The following CACNA1E variants were observed in gnomAD, a reference collection of about 807,000 sequenced individuals.
CACNA1E encodes voltage-dependent R-type calcium channel subunit alpha-1E.
In CACNA1E, 40 loss-of-function variants were observed where a neutral mutation model predicts 259.2. That is an observed-to-expected ratio of 0.15 (90% CI 0.12 to 0.20). CACNA1E has a LOEUF of 0.20. CACNA1E is among the 10% of genes least tolerant of loss of function. The pLI, the probability that CACNA1E is intolerant of heterozygous loss-of-function variation, is 1.00. For synonymous variants in CACNA1E, 1,104 were observed against 1,138.5 expected (o/e 0.97, Z 0.61); for missense variants, 1,874 against 3,040.1 (o/e 0.62, Z 9.02).
At position 181,483,993 on chromosome 1, in the gene CACNA1E, G is replaced by A; in HGVS notation, c.249G>A (p.Lys83=). 6.2e-7 allele frequency: 1 copy of A among 1,613,758 alleles called. No individual in the cohort carries two copies. The highest frequency in any genetic ancestry group is 8.5e-7 in the Non-Finnish European group (1 of 1,179,776). The change falls in exon 1 of 48, where the codon AAG becomes AAA. Residue 83 remains lysine, a synonymous_variant. Coordinates refer to ENST00000367573, the MANE Select transcript of CACNA1E (RefSeq NM_001205293.3). Reference sequence around the variant, plus strand: ...ATAACATTGTCAGGAAATATGCCAAGAAGCTCATCGATTGGCCATATCCTT... The same window carrying A: ...ATAACATTGTCAGGAAATATGCCAAAAAGCTCATCGATTGGCCATATCCTT... ...GEDNIVRKYA[K]KLIDWPPFEY...
chr1:181,473,511 T>C (rs1030181724), intron 2 of CACNA1E, among the ~76,000 whole-genome samples: 14 of 152,218 alleles, frequency 9.2e-5, no homozygotes, highest in African/African-American at 3.4e-4. Flanking sequence ...TACGAATGTA[T>C]CATCACATTT....
rs116564004 is a variant in CACNA1E at position 181,765,326 on chromosome 1, G to A, written c.4816-1220G>A. On this transcript the variant is annotated intron_variant, in intron 34 of 47. Coordinates refer to ENST00000367573, the MANE Select transcript of CACNA1E (RefSeq NM_001205293.3). ...GTAGGGAGAGATAAACTAGGGACTAGAGTGGAGACAGTAGAATAAGGGCAG... is the reference window on the plus strand; with the variant it reads ...GTAGGGAGAGATAAACTAGGGACTAAAGTGGAGACAGTAGAATAAGGGCAG... Among the ~76,000 whole-genome samples the A allele has an allele frequency of 6.4e-3, 976 of 152,272 alleles. 12 individuals carry two copies. The highest frequency in any genetic ancestry group is 0.022 in the African/African-American group (927 of 41,540).
At chr1:181,422,616 C>T (rs186573027) in intron 2 of CACNA1E, among the ~76,000 whole-genome samples, 2 of 152,152 alleles carry the variant, frequency 1.3e-5, no homozygotes, top group Non-Finnish European at 2.9e-5. Flanking sequence ...AGATATCCAA[C>T]CTTTGTGGGC....
At chr1:181,439,085 TAAGTTAAA>T (rs1660277060) in intron 2 of CACNA1E, among the ~76,000 whole-genome samples, 1 of 152,210 alleles carries the variant, frequency 6.6e-6, no homozygotes, top group Non-Finnish European at 1.5e-5. Context: ...ACTTATATGT[TAAGTTAAA>T]AACATACCTA....
intron 1 of CACNA1E, among the ~76,000 whole-genome samples, chr1:181,409,782 C>T (rs1657718649): frequency 1.3e-5 from 2 of 152,076 alleles, no homozygotes; most frequent in African/African-American, 2.4e-5. Context: ...GGTTGTTTAA[C>T]AGAAATTCTT....
chr1:181,475,747 G>A (rs367812471), intron 2 of CACNA1E, among the ~76,000 whole-genome samples: 1 of 152,172 alleles, frequency 6.6e-6, no homozygotes, highest in East Asian at 1.9e-4. Context: ...CATTTTGGGA[G>A]GGGGAGCTTG....
At chr1:181,368,461 C>T (rs544255206) in intron 1 of CACNA1E, among the ~76,000 whole-genome samples, 30 of 152,110 alleles carry the variant, frequency 2.0e-4, no homozygotes, top group Non-Finnish European at 3.7e-4. Flanking sequence ...AGCTGAAAAT[C>T]GCAATTAGCT....
chr1:181,367,382 CTCCTGGATAT>C (rs1654358286), intron 1 of CACNA1E, among the ~76,000 whole-genome samples: 1 of 151,602 alleles, frequency 6.6e-6, no homozygotes. Flanking sequence ...TTCCCAGGAC[CTCCTGGATAT>C]TTATTTCTGC....
intron 3 of CACNA1E, among the ~76,000 whole-genome samples, chr1:181,546,162 T>C (rs1647441705): frequency 6.6e-6 from 1 of 152,042 alleles, no homozygotes; most frequent in Non-Finnish European, 1.5e-5. Flanking sequence ...GGTCGTCAAG[T>C]TTCACAGCAG....
At chr1:181,614,267 G>T (rs1043594861) in intron 6 of CACNA1E, among the ~76,000 whole-genome samples, 16 of 151,926 alleles carry the variant, frequency 1.1e-4, no homozygotes, top group Non-Finnish European at 2.1e-4. Flanking sequence ...GAAATAGCAG[G>T]TAGCCACAGC....
intron 15 of CACNA1E, among the ~76,000 whole-genome samples, chr1:181,721,317 C>G (rs1038581916): frequency 8.5e-5 from 13 of 152,198 alleles, no homozygotes; most frequent in Admixed American, 2.6e-4. Context: ...AAGAAAAATA[C>G]TGTTTGGCCA....
intron 2 of CACNA1E, among the ~76,000 whole-genome samples, chr1:181,452,492 G>A (rs759329295): frequency 6.6e-6 from 1 of 152,152 alleles, no homozygotes; most frequent in Non-Finnish European, 1.5e-5. Context: ...GGGATGCCTT[G>A]GGCTTGCAGG....
chr1:181,697,012 A>G (rs1193012830), intron 7 of CACNA1E, among the ~76,000 whole-genome samples: 2 of 152,168 alleles, frequency 1.3e-5, no homozygotes, highest in Non-Finnish European at 2.9e-5. Context: ...TCTCCACTCC[A>G]TAGAGCAGGA....
intron 1 of CACNA1E, among the ~76,000 whole-genome samples, chr1:181,370,342 A>G (rs1221075092): frequency 1.3e-5 from 2 of 150,840 alleles, no homozygotes; most frequent in African/African-American, 4.9e-5. Context: ...TACATGGTAA[A>G]TTTTATGTCA....
At position 181,677,986 on chromosome 1, in the gene CACNA1E, G is replaced by T. The variant is rs186003853; in HGVS notation, c.1055+26545G>T. ...GGACCTCACAGCAGAGGGAATTAAG[G>T]CAGGAGAGTTACTGTGGGTGCTGGA... On this transcript the variant is annotated intron_variant, in intron 7 of 47. Coordinates refer to ENST00000367573, the MANE Select transcript of CACNA1E (RefSeq NM_001205293.3). Among the ~76,000 whole-genome samples the T allele has an allele frequency of 1.3e-4, 20 of 152,316 alleles. 1 individual carries two copies. In the East Asian group the frequency reaches 3.3e-3, roughly 25 times the overall value.
intron 6 of CACNA1E, among the ~76,000 whole-genome samples, chr1:181,607,001 C>T (rs1034288068): frequency 2.0e-5 from 3 of 152,208 alleles, no homozygotes; most frequent in African/African-American, 7.2e-5. Flanking sequence ...ATACTTACCA[C>T]CATTGTAACA....
rs773004340 is a variant in CACNA1E, at chr1:181,719,756, A to G, written c.1644A>G (p.Thr548=). Residue 548 remains threonine (T), a synonymous_variant, in exon 13 of 48, where the codon ACA becomes ACG. Coordinates refer to ENST00000367573, the MANE Select transcript of CACNA1E (RefSeq NM_001205293.3). ...GGCTGGCATTGCCTCTCTAGGTCAC[A>G]GTGGGCAGTATCTTTGAAGTGGTCT... ...SSFNCFDFGV[T]VGSIFEVVWA... The G allele has an allele frequency of 6.3e-7, 1 of 1,585,490 alleles. No individual in the cohort carries two copies. The highest frequency in any genetic ancestry group is 8.6e-7 in the Non-Finnish European group (1 of 1,161,536).
At chr1:181,748,310 A>G (rs1296615473) in intron 25 of CACNA1E, among the ~76,000 whole-genome samples, 1 of 152,186 alleles carries the variant, frequency 6.6e-6, no homozygotes, top group Non-Finnish European at 1.5e-5. Context: ...AGTTTGCATT[A>G]TAACATGCCT....
At chr1:181,441,340 C>T (rs958655621) in intron 2 of CACNA1E, among the ~76,000 whole-genome samples, 5 of 152,156 alleles carry the variant, frequency 3.3e-5, no homozygotes, top group Non-Finnish European at 7.3e-5. Flanking sequence ...TTAGTAGAGA[C>T]GGGGTTTCCC....
Sources: gnomAD v4.1 joint callset for allele counts (sites outside exome capture counted in the v4.1 genomes callset) on GRCh38, gnomAD v4.1.1 for gene constraint, MANE v1.5 for transcripts, NCBI Gene and HGNC (gene_info 2026-07-23, HGNC 2026-07-21) for gene names.